The following SLC25A48 variants were observed in gnomAD, a reference collection of about 807,000 sequenced individuals.
SLC25A48 encodes the protein solute carrier family 25 member 48.
Under a neutral mutation model 32.2 loss-of-function variants are expected in SLC25A48, and 29 were observed. The ratio of observed to expected loss-of-function variants is 0.90; its 90% CI spans 0.67 to 1.23. The LOEUF (loss-of-function observed/expected upper bound fraction) is 1.23. Ranked by LOEUF, SLC25A48 falls within the 50% of genes most tolerant of loss-of-function variation. SLC25A48 has a pLI of 0.00. For missense variants in SLC25A48, 399 were observed against 422.7 expected, an observed-to-expected ratio of 0.94 and a Z score of 0.49; for synonymous variants, 164 against 172.3, an observed-to-expected ratio of 0.95 and a Z score of 0.38.
At chr5:135,649,087 G>T (rs1372601600) in intron 3 of SLC25A48, 2 of 152,268 alleles carry the variant, frequency 1.3e-5, no homozygotes, top group South Asian at 4.1e-4. Flanking sequence ...GGAGCCATGC[G>T]ACTCAGTGAG....
At chr5:135,684,825 T>G (rs531886055) in intron 3 of SLC25A48, among the ~76,000 whole-genome samples, 17 of 152,268 alleles carry the variant, frequency 1.1e-4, no homozygotes, top group Non-Finnish European at 2.1e-4. Context: ...TAGCATATTT[T>G]ACATAGTCAG....
intron 3 of SLC25A48, among the ~76,000 whole-genome samples, chr5:135,770,998 T>C (rs1756394358): frequency 6.6e-6 from 1 of 151,856 alleles, no homozygotes; most frequent in Admixed American, 6.6e-5. Flanking sequence ...GAAAAGAAGA[T>C]GATATTACTC....
chr5:135,813,966 G>A (rs752259003), intron 4 of SLC25A48, among the ~76,000 whole-genome samples: 1 of 152,150 alleles, frequency 6.6e-6, no homozygotes, highest in Non-Finnish European at 1.5e-5. Context: ...AAAGCACATA[G>A]GTGACACAGA....
In SLC25A48 at chr5:135,647,887, C is replaced by A. The variant is rs1347558425; in HGVS notation, c.-521+12931C>A. Among the ~76,000 whole-genome samples, 4 of 152,112 alleles carry A rather than the reference C, an allele frequency of 2.6e-5. No homozygotes were observed. In the East Asian group the frequency reaches 7.7e-4, roughly 29 times the overall value. On this transcript the variant is annotated intron_variant, in intron 3 of 10. Transcript: ENST00000646290. ...TGGGAGCACTGCTTGGAAATTCCAC[C>A]ACTGCGCTTTAGAAGGATCTTTGTT... is the stretch of plus-strand genomic sequence containing the variant.
chr5:135,879,091 C>T (rs1329388944), intron 6 of SLC25A48, among the ~76,000 whole-genome samples: 1 of 152,084 alleles, frequency 6.6e-6, no homozygotes, highest in Admixed American at 6.5e-5. Context: ...ATAATACTCC[C>T]TAGGGATGGA....
At chr5:135,877,823 G>T (rs942519043) in intron 6 of SLC25A48, among the ~76,000 whole-genome samples, 22 of 152,156 alleles carry the variant, frequency 1.4e-4, no homozygotes, top group African/African-American at 5.3e-4. Flanking sequence ...CCACCTGGGG[G>T]TGGCCATGGG....
At chr5:135,658,881 A>AG (rs35930854) in intron 3 of SLC25A48, among the ~76,000 whole-genome samples, 1 of 152,252 alleles carries the variant, frequency 6.6e-6, no homozygotes, top group Non-Finnish European at 1.5e-5. Context: ...TCTGGGACAC[A>AG]GGGCACCATG....
chr5:135,812,058 G>A (rs1192640013), intron 3 of SLC25A48, among the ~76,000 whole-genome samples: 1 of 151,960 alleles, frequency 6.6e-6, no homozygotes, highest in Non-Finnish European at 1.5e-5. Flanking sequence ...TTCCAGCCTG[G>A]GTGGCAGAGT....
At chr5:135,761,071 G>T (rs946484991) in intron 3 of SLC25A48, among the ~76,000 whole-genome samples, 1 of 152,152 alleles carries the variant, frequency 6.6e-6, no homozygotes, top group African/African-American at 2.4e-5. Context: ...AGACCAAGGA[G>T]TGGAGGATAG....
intron 3 of SLC25A48, among the ~76,000 whole-genome samples, chr5:135,775,101 C>T (rs540217936): frequency 6.6e-6 from 1 of 151,738 alleles, no homozygotes; most frequent in African/African-American, 2.4e-5. Flanking sequence ...ATATTACTTC[C>T]AAAATTGCAT....
intron 3 of SLC25A48, among the ~76,000 whole-genome samples, chr5:135,715,065 G>C (rs1282480959): frequency 6.6e-6 from 1 of 152,204 alleles, no homozygotes; most frequent in African/African-American, 2.4e-5. Flanking sequence ...CCGCATTGGA[G>C]AGGCAGGAGA....
intron 1 of SLC25A48, among the ~76,000 whole-genome samples, chr5:135,621,120 C>A (rs1182333041): frequency 1.3e-5 from 2 of 152,168 alleles, no homozygotes; most frequent in Non-Finnish European, 2.9e-5. Flanking sequence ...AACAGGGCTG[C>A]ATGCTGCCAA....
chr5:135,727,977 C>T (rs968141012), intron 3 of SLC25A48, among the ~76,000 whole-genome samples: 5 of 152,032 alleles, frequency 3.3e-5, no homozygotes, highest in African/African-American at 9.7e-5. Context: ...CGTGGCTGGC[C>T]GTGCACGGTG....
At chr5:135,817,016 A>G (rs968544212) in intron 4 of SLC25A48, among the ~76,000 whole-genome samples, 1 of 152,260 alleles carries the variant, frequency 6.6e-6, no homozygotes, top group African/African-American at 2.4e-5. Flanking sequence ...ATTTTTGTTT[A>G]TATTGTAAAA....
At position 135,780,243 on chromosome 5, in the gene SLC25A48, C is replaced by T. The variant is rs533580637; in HGVS notation, c.-520-32280C>T. 2.3e-4 allele frequency among the ~76,000 whole-genome samples: 24 copies of T among 104,014 alleles called. 6 individuals carry two copies. The highest frequency in any genetic ancestry group is 4.2e-4 in the Admixed American group (4 of 9,506). 68.2% of individuals were successfully genotyped at this position (104,014 alleles called of 152,430 possible). ...CTGGGACTACAGGCGCCCGCCACCA[C>T]GGCCGGTTAATTTTTTGTATTTTTA... On this transcript the variant is annotated intron_variant, in intron 3 of 10. Transcript: ENST00000646290.
chr5:135,732,055 A>T (rs144796934), intron 3 of SLC25A48, among the ~76,000 whole-genome samples: 1 of 152,282 alleles, frequency 6.6e-6, no homozygotes, highest in South Asian at 2.1e-4. Flanking sequence ...ACAGGAGCTC[A>T]AATGGGCTGT....
chr5:135,852,776 C>G lies in SLC25A48; in HGVS notation c.376C>G (p.Leu126Val). Reference protein sequence around the residue: ...VSVGLGGPVDLIKIRLQMQTQ... With the variant: ...VSVGLGGPVDVIKIRLQMQTQ... ...TGTCGGGCTGGGAGGGCCCGTGGAC[C>G]TCATCAAGATCCGGTTGCAGATGCA... Residue 126 changes from leucine (L) to valine (V), a missense_variant, in exon 4 of 8, where the codon CTC (leucine) becomes GTC (valine). Leu to Val is a conservative substitution (Grantham distance 32). Transcript: ENST00000681962. 1.2e-6 allele frequency: 2 copies of G among 1,613,692 alleles called. No individual in the cohort carries two copies. The highest frequency in any genetic ancestry group is 1.7e-6 in the Non-Finnish European group (2 of 1,179,652).
chr5:135,732,633 C>T (rs1470966488), intron 3 of SLC25A48, among the ~76,000 whole-genome samples: 1 of 152,112 alleles, frequency 6.6e-6, no homozygotes, highest in African/African-American at 2.4e-5. Context: ...ATGAGAGGTT[C>T]TAAGAGGTGG....
chr5:135,644,063 A>G (rs1157724591), intron 3 of SLC25A48, among the ~76,000 whole-genome samples: 1 of 152,194 alleles, frequency 6.6e-6, no homozygotes, highest in East Asian at 1.9e-4. Flanking sequence ...GATGTTACAC[A>G]CTGTGCTATG....
Sources: allele counts gnomAD v4.1 joint callset (sites outside exome capture counted in the v4.1 genomes callset), GRCh38; gene constraint gnomAD v4.1.1; transcripts MANE v1.5; gene names NCBI Gene and HGNC (gene_info 2026-07-23, HGNC 2026-07-21).